Variants in SAMD5 observed in about 807,000 individuals in gnomAD.
SAMD5 encodes the protein sterile alpha motif domain-containing protein 5.
In SAMD5, 13 loss-of-function variants were observed where a neutral mutation model predicts 11.3. The observed-to-expected ratio is 1.15, with a 90% CI of 0.75 to 1.83. The LOEUF (loss-of-function observed/expected upper bound fraction) is 1.83. Ranked by LOEUF, SAMD5 falls within the 40% of genes most tolerant of loss-of-function variation. The pLI is 0.00. For missense variants in SAMD5, 255 were observed against 239.1 expected (o/e 1.07, Z -0.44); for synonymous variants, 129 against 111.3 (o/e 1.16, Z -1.00).
the SAMD5 span, among the ~76,000 whole-genome samples, chr6:147,745,777 C>CTT: frequency 1.5e-4 from 20 of 133,236 alleles, no homozygotes; most frequent in African/African-American, 2.7e-4. Flanking sequence ...TTCTTTCTTT[C>CTT]TTTTTTTTTT....
the SAMD5 span, among the ~76,000 whole-genome samples, chr6:147,793,398 G>A: frequency 6.6e-6 from 1 of 152,172 alleles, no homozygotes; most frequent in Non-Finnish European, 1.5e-5. Context: ...TTCATGAGAT[G>A]TGATGACTAA....
At chr6:147,850,021 T>A in the SAMD5 span, among the ~76,000 whole-genome samples, 2 of 152,242 alleles carry the variant, frequency 1.3e-5, no homozygotes, top group Non-Finnish European at 2.9e-5. Context: ...AGCAGTCTGA[T>A]CTTTTTGGCT....
chr6:147,636,204 T>C (rs550889177), intron 1 of SAMD5, among the ~76,000 whole-genome samples: 3 of 152,274 alleles, frequency 2.0e-5, no homozygotes, highest in East Asian at 3.9e-4. Flanking sequence ...ACTGTATCTA[T>C]GCTCGGGGAG....
At chr6:147,687,273 CTTCT>C (rs1290922588) in intron 1 of SAMD5, among the ~76,000 whole-genome samples, 112 of 132,114 alleles carry the variant, frequency 8.5e-4, no homozygotes, top group Non-Finnish European at 1.2e-3. Flanking sequence ...TCCTCTCCTC[CTTCT>C]TTTTTTTTTT....
At chr6:147,899,774 G>T in the SAMD5 span, among the ~76,000 whole-genome samples, 2 of 152,200 alleles carry the variant, frequency 1.3e-5, no homozygotes, top group African/African-American at 2.4e-5. Context: ...CCTGATAGTT[G>T]AAATTAATTT....
intron 1 of SAMD5, among the ~76,000 whole-genome samples, chr6:147,629,800 G>A (rs1790112403): frequency 6.6e-6 from 1 of 152,096 alleles, no homozygotes; most frequent in Non-Finnish European, 1.5e-5. Context: ...TCCTGTTGTA[G>A]CACCTCTTCC....
chr6:147,515,078 G>A (rs765215367), intron 1 of SAMD5, among the ~76,000 whole-genome samples: 1 of 150,170 alleles, frequency 6.7e-6, no homozygotes, highest in South Asian at 2.1e-4. Context: ...TTCCTTCTGC[G>A]TTCGTGACAT....
chr6:147,891,285 C>A, the SAMD5 span, among the ~76,000 whole-genome samples: 2 of 151,724 alleles, frequency 1.3e-5, no homozygotes, highest in African/African-American at 2.4e-5. Flanking sequence ...TTATTTGTGT[C>A]ATTATAAAAT....
chr6:147,828,607 A>G, the SAMD5 span, among the ~76,000 whole-genome samples: 1 of 152,172 alleles, frequency 6.6e-6, no homozygotes, highest in Non-Finnish European at 1.5e-5. Context: ...GCCCTCAAAC[A>G]TCGAACTCCA....
intron 1 of SAMD5, among the ~76,000 whole-genome samples, chr6:147,682,856 CT>C (rs1790959319): frequency 1.3e-5 from 2 of 152,046 alleles, no homozygotes; most frequent in Non-Finnish European, 2.9e-5. Context: ...CATTGAGTAA[CT>C]TATTAAATCA....
At position 147,566,026 on chromosome 6, in the gene SAMD5, C is replaced by T. The variant is rs1789035060; in HGVS notation, c.*1570C>T. On this transcript the variant is annotated 3_prime_UTR_variant, in exon 2 of 2. Coordinates refer to ENST00000367474, the MANE Select transcript of SAMD5 (RefSeq NM_001030060.3). ...AAACTTACATTCACTTTTTCCTGGT[C>T]CATTTTGGTTCCTAAGAATAGATAG... is the stretch of plus-strand genomic sequence containing the variant. 1.0e-6 allele frequency: 1 copy of T among 985,024 alleles called. No individual in the cohort carries two copies. Among genetic ancestry groups the T allele is most frequent in the Non-Finnish European group, 1.2e-6 (1 of 829,766 alleles). The allele number at this position is 985,024 out of a possible 1,614,324, so 61.0% of individuals were successfully genotyped here. A position where few individuals can be genotyped will look rare whatever the true frequency, so the allele number is the denominator to read the frequency against.
At chr6:147,674,918 C>G (rs930021472) in intron 1 of SAMD5, among the ~76,000 whole-genome samples, 1 of 152,176 alleles carries the variant, frequency 6.6e-6, no homozygotes, top group South Asian at 2.1e-4. Flanking sequence ...TAAGGTATTA[C>G]CATTCTTTGA....
At chr6:147,781,769 T>TGC in the SAMD5 span, among the ~76,000 whole-genome samples, 45 of 81,752 alleles carry the variant, frequency 5.5e-4, no homozygotes, top group East Asian at 3.1e-3. Flanking sequence ...ATAATTTGTG[T>TGC]GCGCACACAC....
the SAMD5 span, among the ~76,000 whole-genome samples, chr6:147,945,440 G>A: frequency 7.9e-5 from 12 of 152,176 alleles, no homozygotes; most frequent in South Asian, 1.7e-3. Context: ...ACCCCCAAAC[G>A]TTATTTATCC....
chr6:147,772,591 A>G, the SAMD5 span, among the ~76,000 whole-genome samples: 6 of 152,132 alleles, frequency 3.9e-5, no homozygotes, highest in South Asian at 2.1e-4. Flanking sequence ...TCTGAGGACC[A>G]TAAGGGAAAG....
At chr6:147,690,347 T>A (rs1476583095) in intron 1 of SAMD5, among the ~76,000 whole-genome samples, 2 of 152,192 alleles carry the variant, frequency 1.3e-5, no homozygotes, top group Admixed American at 6.5e-5. Context: ...TTTAAAAAAA[T>A]TTTAATATAT....
At chr6:147,892,575 G>C in the SAMD5 span, among the ~76,000 whole-genome samples, 1 of 152,076 alleles carries the variant, frequency 6.6e-6, no homozygotes, top group South Asian at 2.1e-4. Context: ...TCCTGTCTTG[G>C]TTCCCTCCTT....
At chr6:147,834,212 G>A in the SAMD5 span, among the ~76,000 whole-genome samples, 12 of 152,270 alleles carry the variant, frequency 7.9e-5, no homozygotes, top group East Asian at 1.7e-3. Flanking sequence ...TGAATAAATA[G>A]GGGTTTCATC....
At chr6:147,883,124 A>G in the SAMD5 span, among the ~76,000 whole-genome samples, 1 of 152,214 alleles carries the variant, frequency 6.6e-6, no homozygotes, top group Non-Finnish European at 1.5e-5. Context: ...GCATCTGTGC[A>G]GAGGATCATT....
Sources: gnomAD v4.1 joint callset for allele counts (sites outside exome capture counted in the v4.1 genomes callset) on GRCh38, gnomAD v4.1.1 for gene constraint, MANE v1.5 for transcripts, NCBI Gene and HGNC (gene_info 2026-07-23, HGNC 2026-07-21) for gene names.